PDS5A: variants seen among roughly 807,000 people sequenced by gnomAD.
The protein encoded by PDS5A is sister chromatid cohesion protein PDS5 homolog A.
A neutral mutation model predicts 167.1 loss-of-function variants in PDS5A; 42 were observed. The ratio of observed to expected loss-of-function variants is 0.25; its 90% CI spans 0.20 to 0.33. PDS5A has a LOEUF of 0.33. PDS5A is among the 10% of genes least tolerant of loss of function. PDS5A has a pLI of 1.00. For missense variants in PDS5A, 1,033 were observed against 1,605.9 expected (o/e 0.64, Z 6.10); for synonymous variants, 553 against 554.6 (o/e 1.00, Z 0.04).
intron 2 of PDS5A, among the ~76,000 whole-genome samples, chr4:39,961,288 C>A (rs1729453154): frequency 1.3e-5 from 2 of 152,004 alleles, no homozygotes; most frequent in South Asian, 4.1e-4. Flanking sequence ...CTTTTCTTTC[C>A]TTTTATTTTT....
chr4:39,962,233 T>G (rs1336429284), intron 2 of PDS5A, among the ~76,000 whole-genome samples: 2 of 151,990 alleles, frequency 1.3e-5, no homozygotes, highest in South Asian at 4.1e-4. Flanking sequence ...AATTTTTGTA[T>G]TTTTAGTAGA....
At chr4:39,855,660 T>C (rs1718471994) in intron 26 of PDS5A, among the ~76,000 whole-genome samples, 1 of 152,042 alleles carries the variant, frequency 6.6e-6, no homozygotes, top group Non-Finnish European at 1.5e-5. Context: ...AGGAACCAAG[T>C]AGGAATTCCA....
chr4:39,938,771 A>T (rs540534030), intron 2 of PDS5A, among the ~76,000 whole-genome samples: 44 of 151,460 alleles, frequency 2.9e-4, no homozygotes, highest in Non-Finnish European at 5.5e-4. Flanking sequence ...GGAGATCAAG[A>T]CCATCCTGGC....
intron 13 of PDS5A, 148 bp downstream of exon 13, chr4:39,902,199 G>A (rs1307700469): frequency 5.7e-6 from 3 of 522,516 alleles, no homozygotes; most frequent in Non-Finnish European, 1.0e-5. Flanking sequence ...AACATAAATC[G>A]TAACATTTTG....
rs370408002 is a variant in PDS5A, at chr4:39,910,452, T to C, written c.993-114A>G. 383 of 612,794 alleles carry C rather than the reference T, an allele frequency of 6.3e-4. 7 individuals are homozygous for C. In the South Asian group the frequency reaches 7.6e-3, roughly 12 times the overall value. 38.0% of individuals were successfully genotyped at this position (612,794 alleles called of 1,614,324 possible). On this transcript the variant is annotated intron_variant, in intron 9 of 32. Coordinates refer to ENST00000303538, the MANE Select transcript of PDS5A (RefSeq NM_001100399.2). ...CAACAATAGTTACTGATTAGAAAAT[T>C]TGTTATGAGCTAAGGTATTCTGAAG... is the stretch of plus-strand genomic sequence containing the variant.
Position 39,902,982 on chromosome 4 carries a change from T to C in PDS5A, c.1386-522A>G, listed in dbSNP as rs1266806897. 6.6e-5 allele frequency among the ~76,000 whole-genome samples: 10 copies of C among 152,254 alleles called. No individual in the cohort carries two copies. The East Asian group carries it at 1.9e-3, about 29-fold the overall frequency. On this transcript the variant is annotated intron_variant, in intron 12 of 32. Transcript: ENST00000303538. ...GAGACACGGTTACTGTCTGTGGCTTTATAATTTGTCAGTATGAAACATTTG... is the reference window on the plus strand; with the variant it reads ...GAGACACGGTTACTGTCTGTGGCTTCATAATTTGTCAGTATGAAACATTTG...
intron 2 of PDS5A, among the ~76,000 whole-genome samples, chr4:39,955,999 TCCCAGCTG>T (rs1728889640): frequency 6.6e-6 from 1 of 151,568 alleles, no homozygotes; most frequent in Admixed American, 6.6e-5. Flanking sequence ...ACACCTGTAG[TCCCAGCTG>T]CTCGGGAGGC....
At chr4:39,958,407 T>A (rs1729165140) in intron 2 of PDS5A, among the ~76,000 whole-genome samples, 1 of 150,036 alleles carries the variant, frequency 6.7e-6, no homozygotes, top group Non-Finnish European at 1.5e-5. Context: ...CTCAGGAGGC[T>A]GAGCCAGGAG....
At chr4:39,863,245 T>C in intron 24 of PDS5A, 91 bp downstream of exon 24, 1 of 1,049,390 alleles carries the variant, frequency 9.5e-7, no homozygotes, top group African/African-American at 1.6e-5. Context: ...TTTGTGCATA[T>C]ATTCACATTA....
At chr4:39,961,296 TTTTA>T (rs992612764) in intron 2 of PDS5A, among the ~76,000 whole-genome samples, 2 of 152,238 alleles carry the variant, frequency 1.3e-5, no homozygotes, top group Middle Eastern at 3.4e-3. Flanking sequence ...TCCTTTTATT[TTTTA>T]TTTATTTATT....
chr4:39,938,135 T>C (rs1388173383), intron 2 of PDS5A, among the ~76,000 whole-genome samples: 2 of 152,228 alleles, frequency 1.3e-5, no homozygotes, highest in Admixed American at 6.5e-5. Context: ...TATATCACTT[T>C]CCTTTTTCTG....
chr4:39,851,764 A>G lies in PDS5A; in HGVS notation c.3087-2112T>C, dbSNP rs558211741. Among the ~76,000 whole-genome samples, 19 of 152,336 alleles carry G rather than the reference A, an allele frequency of 1.2e-4. No homozygotes were observed. In the South Asian group the frequency reaches 2.3e-3, roughly 18 times the overall value. On this transcript the variant is annotated intron_variant, in intron 26 of 32. Transcript: ENST00000303538. Reference sequence around the variant, plus strand: ...AAACAAAGGTGACAACACTGAACACATCGGTTCTATAGGTTTGAGGATTCT... The same window carrying G: ...AAACAAAGGTGACAACACTGAACACGTCGGTTCTATAGGTTTGAGGATTCT...
intron 3 of PDS5A, among the ~76,000 whole-genome samples, chr4:39,927,182 GC>G (rs1461043148): frequency 6.6e-6 from 1 of 152,090 alleles, no homozygotes; most frequent in African/African-American, 2.4e-5. Context: ...TTGCATCGGG[GC>G]AAAAACTATC....
chr4:39,880,910 G>A (rs1454227790), intron 17 of PDS5A, among the ~76,000 whole-genome samples: 1 of 152,100 alleles, frequency 6.6e-6, no homozygotes, highest in African/African-American at 2.4e-5. Context: ...CTGTGATTTT[G>A]TATCCTTTTT....
chr4:39,925,801 A>G (rs771743946), intron 5 of PDS5A, 35 bp downstream of exon 5: 2 of 817,998 alleles, frequency 2.4e-6, no homozygotes, highest in Middle Eastern at 2.3e-4. Flanking sequence ...AATCAAGAAA[A>G]AGAGACAAAC....
intron 29 of PDS5A, 60 bp from the exon 30 acceptor site, chr4:39,844,861 C>T (rs1717447867): frequency 6.7e-7 from 1 of 1,492,038 alleles, no homozygotes; most frequent in Non-Finnish European, 9.0e-7. Flanking sequence ...ACCATGTATA[C>T]ATGTAAATTT....
At chr4:39,956,677 CTT>C (rs140722150) in intron 2 of PDS5A, among the ~76,000 whole-genome samples, 59 of 145,284 alleles carry the variant, frequency 4.1e-4, no homozygotes, top group African/African-American at 1.3e-3. Flanking sequence ...GATTTTCTTA[CTT>C]TTTTTTTTTT....
chr4:39,885,237 A>G (rs1474520064), intron 17 of PDS5A, among the ~76,000 whole-genome samples: 2 of 134,198 alleles, frequency 1.5e-5, no homozygotes, highest in African/African-American at 5.5e-5. Flanking sequence ...ACAGAGCAAG[A>G]TTCCTTCTTA....
At chr4:39,912,792 A>G (rs1724006685) in intron 9 of PDS5A, among the ~76,000 whole-genome samples, 1 of 152,222 alleles carries the variant, frequency 6.6e-6, no homozygotes. Flanking sequence ...TATCAAGCCA[A>G]ATAGAATTTA....
Sources: gnomAD v4.1 joint callset for allele counts (sites outside exome capture counted in the v4.1 genomes callset) on GRCh38, gnomAD v4.1.1 for gene constraint, MANE v1.5 for transcripts, NCBI Gene and HGNC (gene_info 2026-07-23, HGNC 2026-07-21) for gene names.